PPP1R1C: variants seen among roughly 807,000 people sequenced by gnomAD.
The protein encoded by PPP1R1C is protein phosphatase 1 regulatory subunit 1C.
Under a neutral mutation model 17.4 loss-of-function variants are expected in PPP1R1C, and 15 were observed. The ratio of observed to expected loss-of-function variants is 0.86; its 90% CI spans 0.58 to 1.33. The LOEUF (loss-of-function observed/expected upper bound fraction) is 1.33, where lower values mean the gene tolerates loss of function less well. Among genes scored for constraint, PPP1R1C ranks in the 40% most tolerant of loss-of-function variants. PPP1R1C has a pLI of 0.00. For synonymous variants in PPP1R1C, 35 were observed against 43.1 expected, an observed-to-expected ratio of 0.81 and a Z score of 0.73; for missense variants, 143 against 130.0, an observed-to-expected ratio of 1.10 and a Z score of -0.48.
At chr2:181,977,964 A>C (rs140176573) in intron 2 of PPP1R1C, among the ~76,000 whole-genome samples, 45 of 152,288 alleles carry the variant, frequency 3.0e-4, no homozygotes, top group African/African-American at 1.0e-3. Context: ...GCTGCTAATA[A>C]AGACCTACCT....
chr2:182,100,364 G>C (rs1476535821), intron 4 of PPP1R1C, among the ~76,000 whole-genome samples: 1 of 151,942 alleles, frequency 6.6e-6, no homozygotes, highest in East Asian at 1.9e-4. Flanking sequence ...ACATAAATTA[G>C]CTGGGCATGG....
At chr2:181,998,342 C>T (rs946519362) in intron 2 of PPP1R1C, among the ~76,000 whole-genome samples, 2 of 152,116 alleles carry the variant, frequency 1.3e-5, no homozygotes, top group South Asian at 2.1e-4. Flanking sequence ...GATATGTGAT[C>T]GACTATGGCA....
intron 1 of PPP1R1C, among the ~76,000 whole-genome samples, chr2:181,955,176 T>C (rs1684650555): frequency 6.6e-6 from 1 of 152,228 alleles, no homozygotes; most frequent in South Asian, 2.1e-4. Flanking sequence ...TAAATCATCC[T>C]TCTGAGTCAC....
chr2:182,124,340 T>G (rs866520547), intron 5 of PPP1R1C, among the ~76,000 whole-genome samples: 2,375 of 129,646 alleles, frequency 0.018, 47 homozygotes, highest in African/African-American at 0.073. Flanking sequence ...TTTTTTTTTG[T>G]TTTTTTTTTT....
chr2:182,055,141 A>G (rs1687643408), intron 2 of PPP1R1C, among the ~76,000 whole-genome samples: 1 of 151,920 alleles, frequency 6.6e-6, no homozygotes, highest in East Asian at 1.9e-4. Flanking sequence ...ATGTATCTGT[A>G]ACATTTCTGA....
At chr2:182,040,385 G>T (rs1687145425) in intron 2 of PPP1R1C, among the ~76,000 whole-genome samples, 1 of 152,112 alleles carries the variant, frequency 6.6e-6, no homozygotes, top group South Asian at 2.1e-4. Flanking sequence ...GTTTTAATTT[G>T]CATTTCCCTG....
At chr2:182,125,196 G>T (rs1034769710) in intron 5 of PPP1R1C, among the ~76,000 whole-genome samples, 2 of 151,940 alleles carry the variant, frequency 1.3e-5, no homozygotes, top group Admixed American at 6.6e-5. Flanking sequence ...TGTGATGGAT[G>T]ATGTTTATTG....
chr2:182,026,019 G>C (rs1419116544), intron 2 of PPP1R1C, among the ~76,000 whole-genome samples: 1 of 131,246 alleles, frequency 7.6e-6, no homozygotes, highest in African/African-American at 3.2e-5. Context: ...TTTGAGAAGT[G>C]TCTGTTCATG....
At position 181,976,634 on chromosome 2, in the gene PPP1R1C, A is replaced by G. The variant is rs1320637498; in HGVS notation, n.157+1370A>G. Among the ~76,000 whole-genome samples the G allele has an allele frequency of 6.6e-6, 1 of 151,952 alleles. No homozygotes were observed. The highest frequency in any genetic ancestry group is 1.5e-5 in the Non-Finnish European group (1 of 67,986). On this transcript the variant is annotated intron_variant and non_coding_transcript_variant, in intron 2 of 5. Coordinates refer to the PPP1R1C transcript ENST00000464264. The surrounding 1 kb of genome is among the most constrained non-coding windows in gnomAD (Gnocchi z 4.8). ...TATATCTATATCTATATCTGTATCT[A>G]TCTATTCCTCACTCCTCTCTGTCTC...
At chr2:181,987,757 T>C in intron 1 of PPP1R1C, 82 bp from the exon 2 acceptor site, 1 of 1,401,160 alleles carries the variant, frequency 7.1e-7, no homozygotes, top group South Asian at 1.2e-5. Context: ...AAGATGAGGG[T>C]GAGACAGCTT....
intron 2 of PPP1R1C, among the ~76,000 whole-genome samples, chr2:181,977,291 T>C (rs1183628509): frequency 6.6e-6 from 1 of 152,074 alleles, no homozygotes; most frequent in Non-Finnish European, 1.5e-5. Flanking sequence ...TTTGACATGC[T>C]GATCACATGT....
intron 2 of PPP1R1C, among the ~76,000 whole-genome samples, chr2:181,988,112 A>G (rs927347037): frequency 2.6e-5 from 4 of 152,248 alleles, no homozygotes; most frequent in Non-Finnish European, 4.4e-5. Context: ...CTAGAATATC[A>G]TAAGTGATGA....
chr2:181,977,132 TAAAAAAAAAAAAAAAAAAAA>T (rs67129466), intron 2 of PPP1R1C, among the ~76,000 whole-genome samples: 307 of 19,846 alleles, frequency 0.015, 9 homozygotes, highest in East Asian at 0.13. Flanking sequence ...AGAATCTATC[TAAAAAAAAAAAAAAAAAAAA>T]AAAAAAAAAA....
chr2:182,001,066 A>G (rs758457513), intron 2 of PPP1R1C, among the ~76,000 whole-genome samples: 2 of 152,196 alleles, frequency 1.3e-5, no homozygotes, highest in Non-Finnish European at 1.5e-5. Context: ...TTGCTGATGC[A>G]TAACCCATTG....
rs56180506 is a variant in PPP1R1C at position 182,046,093 on chromosome 2, TTTCCTTCC to T, written c.143-15309_143-15302del. ...TTTTTTCTTTCTCTCCCCTCCTACATTTCCTTCCTTCCTTCCTTCCTTCCTTCCTTCCT... is the reference window on the plus strand; with the variant it reads ...TTTTTTCTTTCTCTCCCCTCCTACATTTCCTTCCTTCCTTCCTTCCTTCCT... On this transcript the variant is annotated intron_variant, in intron 2 of 4. Coordinates refer to ENST00000682840, the MANE Select transcript of PPP1R1C (RefSeq NM_001080545.3). 6.9e-3 allele frequency among the ~76,000 whole-genome samples: 996 copies of T among 144,068 alleles called. 14 individuals are homozygous for T. Among genetic ancestry groups the T allele is most frequent in the African/African-American group, 0.024 (920 of 37,834 alleles). 94.5% of individuals were successfully genotyped at this position (144,068 alleles called of 152,430 possible).
intron 4 of PPP1R1C, among the ~76,000 whole-genome samples, chr2:182,109,328 C>T (rs1316498336): frequency 6.6e-6 from 1 of 152,130 alleles, no homozygotes; most frequent in Non-Finnish European, 1.5e-5. Flanking sequence ...TTTCACAGAG[C>T]AGATGTTTTA....
At chr2:182,103,011 C>T (rs556130507) in intron 4 of PPP1R1C, among the ~76,000 whole-genome samples, 1 of 152,166 alleles carries the variant, frequency 6.6e-6, no homozygotes, top group Non-Finnish European at 1.5e-5. Context: ...GCCATGTTGC[C>T]CAGGCTGGTC....
At chr2:181,972,523 G>T (rs1293722479) in intron 1 of PPP1R1C, among the ~76,000 whole-genome samples, 1 of 151,920 alleles carries the variant, frequency 6.6e-6, no homozygotes, top group Admixed American at 6.5e-5. Flanking sequence ...CATCAACAAA[G>T]TCCAGAGGAT....
intron 1 of PPP1R1C, among the ~76,000 whole-genome samples, chr2:181,986,744 TACAA>T (rs780293743): frequency 2.0e-5 from 3 of 152,204 alleles, no homozygotes; most frequent in East Asian, 1.9e-4. Flanking sequence ...GTTCAGACAT[TACAA>T]ACAGTGTTTT....
Sources: gnomAD v4.1 joint callset for allele counts (sites outside exome capture counted in the v4.1 genomes callset) on GRCh38, gnomAD v4.1.1 for gene constraint, Gnocchi (gnomAD v3.1) non-coding constraint, MANE v1.5 for transcripts, NCBI Gene and HGNC (gene_info 2026-07-23, HGNC 2026-07-21) for gene names.